The following AGBL4 variants were observed in gnomAD, a reference collection of about 807,000 sequenced individuals.
AGBL4 encodes AGBL carboxypeptidase 4.
Under a neutral mutation model 66.4 loss-of-function variants are expected in AGBL4, and 58 were observed. The ratio of observed to expected loss-of-function variants is 0.87; its 90% CI spans 0.71 to 1.09. AGBL4 has a LOEUF of 1.09. Among genes scored for constraint, AGBL4 ranks in the 50% least tolerant of loss-of-function variants. The pLI, the probability that AGBL4 is intolerant of heterozygous loss-of-function variation, is 0.00. For synonymous variants in AGBL4, 234 were observed against 222.9 expected (o/e 1.05, Z -0.44); for missense variants, 579 against 631.0 (o/e 0.92, Z 0.88).
intron 3 of AGBL4, among the ~76,000 whole-genome samples, chr1:49,435,154 T>C (rs1645875149): frequency 6.6e-6 from 1 of 152,234 alleles, no homozygotes; most frequent in Non-Finnish European, 1.5e-5. Flanking sequence ...ACATATTTAT[T>C]TGAGCATTCA....
At chr1:49,263,288 T>G (rs1653402337) in intron 3 of AGBL4, among the ~76,000 whole-genome samples, 1 of 152,042 alleles carries the variant, frequency 6.6e-6, no homozygotes, top group Non-Finnish European at 1.5e-5. Context: ...ACATGTACCC[T>G]AAAACTTAAA....
At chr1:48,554,526 T>C (rs558814473) in intron 11 of AGBL4, among the ~76,000 whole-genome samples, 2 of 152,230 alleles carry the variant, frequency 1.3e-5, no homozygotes, top group Non-Finnish European at 2.9e-5. Flanking sequence ...AAAACAGCAA[T>C]GAATCCCATG....
chr1:49,790,832 A>C (rs977903903), intron 2 of AGBL4, among the ~76,000 whole-genome samples: 1 of 152,222 alleles, frequency 6.6e-6, no homozygotes, highest in African/African-American at 2.4e-5. Flanking sequence ...TATCTACAAG[A>C]AAGAGTAACA....
intron 5 of AGBL4, among the ~76,000 whole-genome samples, chr1:49,027,183 G>A (rs777440819): frequency 4.0e-5 from 6 of 151,870 alleles, no homozygotes; most frequent in African/African-American, 1.2e-4. Context: ...TTTTTGAGAC[G>A]GAGTTTCACT....
At chr1:49,361,411 C>T (rs1018800622) in intron 3 of AGBL4, among the ~76,000 whole-genome samples, 17 of 152,180 alleles carry the variant, frequency 1.1e-4, no homozygotes, top group African/African-American at 3.4e-4. Context: ...CTGCAACCTC[C>T]GCCTCCTGGT....
At chr1:48,561,057 A>C (rs1394034443) in intron 11 of AGBL4, among the ~76,000 whole-genome samples, 1 of 152,188 alleles carries the variant, frequency 6.6e-6, no homozygotes, top group African/African-American at 2.4e-5. Flanking sequence ...ATTATCATCC[A>C]TATCTTTGCC....
chr1:49,610,097 G>A (rs1645127702), intron 3 of AGBL4, among the ~76,000 whole-genome samples: 1 of 152,074 alleles, frequency 6.6e-6, no homozygotes, highest in Non-Finnish European at 1.5e-5. Context: ...ATAAGATAAA[G>A]TTAGTAATAC....
rs117654784 is a variant in AGBL4 at position 48,591,931 on chromosome 1, C to T, written c.952-946G>A. ...GTAAGTAAAGGATGCTCAGTAACTA[C>T]ATGCAGAATGATTGAAGAAACAATC... On this transcript the variant is annotated intron_variant, in intron 9 of 13. Transcript: ENST00000371839. Among the ~76,000 whole-genome samples, 26 of 152,344 alleles carry T rather than the reference C, an allele frequency of 1.7e-4. No homozygotes were observed. In the East Asian group the frequency reaches 4.8e-3, roughly 28 times the overall value.
At chr1:49,149,635 A>T (rs1327032934) in intron 4 of AGBL4, among the ~76,000 whole-genome samples, 3 of 152,226 alleles carry the variant, frequency 2.0e-5, no homozygotes, top group African/African-American at 7.2e-5. Context: ...ATTTTTCTGT[A>T]TACTTAAGAT....
intron 4 of AGBL4, among the ~76,000 whole-genome samples, chr1:49,054,034 C>T (rs1644266894): frequency 6.6e-6 from 1 of 152,066 alleles, no homozygotes; most frequent in Admixed American, 6.6e-5. Flanking sequence ...TATTCTAGAA[C>T]AGTCATTTGC....
At chr1:49,627,969 A>G (rs911477746) in intron 3 of AGBL4, among the ~76,000 whole-genome samples, 31 of 152,250 alleles carry the variant, frequency 2.0e-4, no homozygotes, top group Admixed American at 7.8e-4. Flanking sequence ...CAGATATCCA[A>G]TCGCAGATAA....
intron 3 of AGBL4, among the ~76,000 whole-genome samples, chr1:49,512,855 C>CA (rs201648117): frequency 8.0e-5 from 12 of 149,852 alleles, no homozygotes; most frequent in Non-Finnish European, 1.3e-4. Flanking sequence ...AGAAAGTGAC[C>CA]AAAAAAAAAG....
chr1:48,663,848 G>C (rs1570174546), intron 6 of AGBL4, among the ~76,000 whole-genome samples: 1 of 152,130 alleles, frequency 6.6e-6, no homozygotes, highest in Non-Finnish European at 1.5e-5. Context: ...AATAGAGGCA[G>C]AAGTGAGGCT....
intron 4 of AGBL4, among the ~76,000 whole-genome samples, chr1:49,069,937 C>T (rs546381646): frequency 1.6e-4 from 25 of 151,948 alleles, no homozygotes; most frequent in African/African-American, 5.3e-4. Flanking sequence ...CTCCGTGAAG[C>T]GGTCCTTCAC....
intron 9 of AGBL4, among the ~76,000 whole-genome samples, chr1:48,629,273 T>C (rs895730672): frequency 1.3e-5 from 2 of 152,044 alleles, no homozygotes; most frequent in Admixed American, 6.5e-5. Context: ...GTGACTCTGG[T>C]TGTGTGGCTG....
Position 49,204,096 on chromosome 1 carries a change from T to C in AGBL4, c.377+41674A>G, listed in dbSNP as rs146685562. On this transcript the variant is annotated intron_variant, in intron 4 of 13. Coordinates refer to ENST00000371839, the MANE Select transcript of AGBL4 (RefSeq NM_032785.4). ...GTAGGAATATAGAAGCCATTTCAAA[T>C]AGAACAGCTTGAATAAAGGGGCCAA... Among the ~76,000 whole-genome samples, 151 of 152,144 alleles carry C rather than the reference T, an allele frequency of 9.9e-4. 1 individual carries two copies. In the Middle Eastern group the frequency reaches 0.014, roughly 14 times the overall value.
At chr1:48,979,914 G>T (rs534705247) in intron 5 of AGBL4, among the ~76,000 whole-genome samples, 136 of 152,210 alleles carry the variant, frequency 8.9e-4, no homozygotes, top group Non-Finnish European at 1.4e-3. Context: ...AGGTAACAAT[G>T]CTTAACATGA....
chr1:48,965,979 G>A lies in AGBL4; in HGVS notation c.594+79605C>T, dbSNP rs142026020. On this transcript the variant is annotated intron_variant, in intron 5 of 13. Transcript: ENST00000371839. ...ACAGCTTTTAGGAGAAAACAGATTT[G>A]AGGTAGAATTCTCACTTCACTTTTA... Among the ~76,000 whole-genome samples the A allele has an allele frequency of 1.5e-3, 223 of 152,252 alleles. 1 individual carries two copies. Among genetic ancestry groups the A allele is most frequent in the African/African-American group, 5.1e-3 (213 of 41,566 alleles).
At chr1:49,509,263 G>A (rs1260624561) in intron 3 of AGBL4, among the ~76,000 whole-genome samples, 1 of 151,864 alleles carries the variant, frequency 6.6e-6, no homozygotes, top group Non-Finnish European at 1.5e-5. Context: ...AGATAGGAAA[G>A]TGTATGGCAG....
Sources: gnomAD v4.1 joint callset for allele counts (sites outside exome capture counted in the v4.1 genomes callset) on GRCh38, gnomAD v4.1.1 for gene constraint, MANE v1.5 for transcripts, NCBI Gene and HGNC (gene_info 2026-07-23, HGNC 2026-07-21) for gene names.